NME1: variants seen among roughly 807,000 people sequenced by gnomAD.
NME1 encodes the protein NME/NM23 nucleoside diphosphate kinase 1, also known as nucleoside diphosphate kinase A.
NME1 carries 9 observed loss-of-function variants against 17.2 expected under a neutral mutation model. The ratio of observed to expected loss-of-function variants is 0.52; its 90% CI spans 0.32 to 0.92. The LOEUF (loss-of-function observed/expected upper bound fraction) is 0.92. Among genes scored for constraint, NME1 ranks in the 40% least tolerant of loss-of-function variants. The probability of loss-of-function intolerance (pLI) is 0.04; values close to 1 mark genes in which losing one functional copy is unlikely to be tolerated. For missense variants in NME1, 169 were observed against 201.7 expected (o/e 0.84, Z 0.98); for synonymous variants, 72 against 70.8 (o/e 1.02, Z -0.09).
At chr17:51,155,241 CAAAAA>C (rs35964095) in intron 1 of NME1, among the ~76,000 whole-genome samples, 1 of 100,472 alleles carries the variant, frequency 1.0e-5, no homozygotes. Flanking sequence ...GACTCCATAC[CAAAAA>C]AAAAAAAAAA....
intron 4 of NME1, 67 bp downstream of exon 4, chr17:51,161,339 C>G (rs1187420459): frequency 6.9e-7 from 1 of 1,442,256 alleles, no homozygotes; most frequent in Admixed American, 2.0e-5. Context: ...TTTGGGTTTC[C>G]GAGGCTGGAG....
In NME1 at chr17:51,161,060, T is replaced by C. The variant is rs200831425; in HGVS notation, c.229-100T>C. 1.7e-4 allele frequency: 204 copies of C among 1,178,674 alleles called. No individual in the cohort carries two copies. In the East Asian group the frequency reaches 4.8e-3, roughly 28 times the overall value. The allele number at this position is 1,178,674 out of a possible 1,614,324, so 73.0% of individuals were successfully genotyped here. A position where few individuals can be genotyped will look rare whatever the true frequency, so the allele number is the denominator to read the frequency against. ...TTTGTTCAGTGAATGAATATAATCT[T>C]AAGGGGCCTTTTTATTTTTCCTTTT... On this transcript the variant is annotated intron_variant, in intron 3 of 4. Transcript: ENST00000393196.
intron 3 of NME1, chr17:51,160,494 G>T (rs2049849082): frequency 2.8e-6 from 1 of 363,014 alleles, no homozygotes; most frequent in African/African-American, 2.1e-5. Flanking sequence ...GGGTGGGAGG[G>T]AAGTTGGGAG....
chr17:51,158,228 G>A (rs1439768549), intron 2 of NME1, among the ~76,000 whole-genome samples: 5 of 152,064 alleles, frequency 3.3e-5, no homozygotes, highest in East Asian at 1.9e-4. Flanking sequence ...TGCAGTGAGC[G>A]GAGATCGAGC....
At chr17:51,161,624 C>T (rs1005627855) in intron 4 of NME1, 104 bp from the exon 5 acceptor site, 21 of 905,536 alleles carry the variant, frequency 2.3e-5, no homozygotes, top group African/African-American at 6.5e-5. Flanking sequence ...GTCTAATGTC[C>T]ATGGAGCTTC....
intron 2 of NME1, among the ~76,000 whole-genome samples, chr17:51,156,698 C>A (rs1159390406): frequency 1.3e-5 from 2 of 151,790 alleles, no homozygotes; most frequent in Admixed American, 6.6e-5. Context: ...TTCGAGACAG[C>A]CTGACCAATA....
rs190380709 is a variant in NME1 at position 51,161,261 on chromosome 17, A to G, written c.330A>G (p.Ile110Met). 5 of 1,609,394 alleles carry G rather than the reference A, an allele frequency of 3.1e-6. No homozygotes were observed. The highest frequency in any genetic ancestry group is 3.4e-6 in the Non-Finnish European group (4 of 1,177,964). Residue 110 changes from isoleucine (I) to methionine (M), a missense_variant, in exon 4 of 5, where the codon ATA (isoleucine) becomes ATG (methionine). Coordinates refer to ENST00000393196, the MANE Select transcript of NME1 (RefSeq NM_000269.3). ...GGACCATCCGTGGAGACTTCTGCAT[A>G]CAAGTTGGCAGGTGAGATTTTGGTA... ...KPGTIRGDFC[I>M]QVGRNIIHGS...
intron 1 of NME1, 26 bp from the exon 2 acceptor site, chr17:51,155,625 T>G (rs753817673): frequency 6.2e-7 from 1 of 1,612,896 alleles, no homozygotes; most frequent in Non-Finnish European, 8.5e-7. Context: ...CACTGCTGTT[T>G]CATTCCTCTA....
intron 2 of NME1, among the ~76,000 whole-genome samples, chr17:51,157,186 C>G (rs1347840771): frequency 6.6e-6 from 1 of 151,620 alleles, no homozygotes. Context: ...GTCATCCCAG[C>G]ACTTTGGGAG....
chr17:51,155,531 G>A (rs2049773003), intron 1 of NME1, 120 bp from the exon 2 acceptor site: 1 of 1,466,950 alleles, frequency 6.8e-7, no homozygotes, highest in Admixed American at 2.0e-5. Context: ...TTTACCAGAG[G>A]GAGACCTGGA....
intron 1 of NME1, chr17:51,154,338 G>C (rs2049752566): frequency 6.3e-7 from 1 of 1,596,590 alleles, no homozygotes; most frequent in African/African-American, 1.3e-5. Flanking sequence ...GCTGTAAGAA[G>C]AGGTTAACTA....
chr17:51,159,652 T>TC (rs2049836229), intron 2 of NME1, among the ~76,000 whole-genome samples: 1 of 151,770 alleles, frequency 6.6e-6, no homozygotes, highest in Non-Finnish European at 1.5e-5. Context: ...GTGTCTACAG[T>TC]CCTACCTACT....
At position 51,155,696 on chromosome 17, in the gene NME1, T is replaced by C. The variant is rs1412716113; in HGVS notation, c.42T>C (p.Asp14=). The part of the protein sequence containing the change: ...CERTFIAIKP[D]GVQRGLVGEI... ...GTACCTTCATTGCGATCAAACCAGA[T>C]GGGGTCCAGCGGGGTCTTGTGGGAG... The change falls in exon 2 of 5, where the codon GAT becomes GAC. Residue 14 remains aspartate, a synonymous_variant. Transcript: ENST00000393196. The C allele has an allele frequency of 5.6e-6, 9 of 1,614,028 alleles. No individual in the cohort carries two copies. The highest frequency in any genetic ancestry group is 6.8e-6 in the Non-Finnish European group (8 of 1,179,994).
intron 1 of NME1, 75 bp downstream of exon 1, chr17:51,153,737 T>C (rs2049742206): frequency 6.5e-6 from 1 of 153,272 alleles, no homozygotes; most frequent in African/African-American, 2.4e-5. Flanking sequence ...GAGGAGTTAG[T>C]GAAGAGATGA....
intron 3 of NME1, chr17:51,160,324 A>C: frequency 3.4e-6 from 2 of 585,782 alleles, no homozygotes; most frequent in Non-Finnish European, 6.3e-6. Flanking sequence ...TCTGAATGAC[A>C]AGAAGCAGCG....
chr17:51,154,467 T>G, intron 1 of NME1: 2 of 1,606,950 alleles, frequency 1.2e-6, no homozygotes, highest in Admixed American at 1.7e-5. Context: ...CGCAGTCTTC[T>G]GTAAAATGAG....
chr17:51,157,653 CA>C (rs2049806431), intron 2 of NME1, among the ~76,000 whole-genome samples: 1 of 152,122 alleles, frequency 6.6e-6, no homozygotes, highest in South Asian at 2.1e-4. Context: ...GTCTTCATGC[CA>C]GCCTTGAGAA....
At chr17:51,157,577 A>G (rs1050985589) in intron 2 of NME1, among the ~76,000 whole-genome samples, 13 of 152,340 alleles carry the variant, frequency 8.5e-5, no homozygotes, top group African/African-American at 2.6e-4. Context: ...GCAGAAGGTA[A>G]CATGAGATGG....
At position 51,160,006 on chromosome 17, in the gene NME1, C is replaced by A; in HGVS notation, c.153C>A (p.His51Gln). The A allele has an allele frequency of 6.2e-7, 1 of 1,614,164 alleles. No homozygotes were observed. The highest frequency in any genetic ancestry group is 1.3e-5 in the African/African-American group (1 of 75,038). ...CTTCCGAAGATCTTCTCAAGGAACA[C>A]TACGTTGACCTGAAGGACCGTCCAT... ...MQASEDLLKEHYVDLKDRPFF... is the reference protein window; with the variant it reads ...MQASEDLLKEQYVDLKDRPFF... The change falls in exon 3 of 5, where the codon CAC becomes CAA. Residue 51 changes from histidine to glutamine, a missense_variant. Coordinates refer to ENST00000393196, the MANE Select transcript of NME1 (RefSeq NM_000269.3).
Sources: gnomAD v4.1 joint callset for allele counts (sites outside exome capture counted in the v4.1 genomes callset) on GRCh38, gnomAD v4.1.1 for gene constraint, MANE v1.5 for transcripts, NCBI Gene and HGNC (gene_info 2026-07-23, HGNC 2026-07-21) for gene names.